ADAMTS16: variants seen among roughly 807,000 people sequenced by gnomAD.
ADAMTS16 encodes the protein A disintegrin and metalloproteinase with thrombospondin motifs 16.
Under a neutral mutation model 145.8 loss-of-function variants are expected in ADAMTS16, and 94 were observed. The observed-to-expected ratio is 0.64, with a 90% CI of 0.55 to 0.77. ADAMTS16 has a LOEUF of 0.77. Among genes scored for constraint, ADAMTS16 ranks in the 30% least tolerant of loss-of-function variants. The probability of loss-of-function intolerance (pLI) is 0.00; values close to 1 mark genes in which losing one functional copy is unlikely to be tolerated. For synonymous variants in ADAMTS16, 659 were observed against 604.3 expected, an observed-to-expected ratio of 1.09 and a Z score of -1.33; for missense variants, 1,585 against 1,591.5, an observed-to-expected ratio of 1.00 and a Z score of 0.07.
chr5:5,172,513 A>G (rs1020998744), intron 3 of ADAMTS16, among the ~76,000 whole-genome samples: 1 of 152,048 alleles, frequency 6.6e-6, no homozygotes, highest in Admixed American at 6.5e-5. Context: ...GTCATTCAGG[A>G]GCATATTATT....
chr5:5,257,426 A>G (rs1737824482), intron 17 of ADAMTS16, among the ~76,000 whole-genome samples: 1 of 152,184 alleles, frequency 6.6e-6, no homozygotes. Flanking sequence ...ATGACACACA[A>G]ATGTTAACAG....
chr5:5,319,650 C>T lies in ADAMTS16; in HGVS notation c.*512C>T. Reference sequence around the variant, plus strand: ...TGGAGGTCAGGGGAGCTCCAGGAGGCTGCCCAGGCTCCTCCTCCTCCTCCC... The same window carrying T: ...TGGAGGTCAGGGGAGCTCCAGGAGGTTGCCCAGGCTCCTCCTCCTCCTCCC... On this transcript the variant is annotated 3_prime_UTR_variant, in exon 23 of 23. Coordinates refer to ENST00000274181, the MANE Select transcript of ADAMTS16 (RefSeq NM_139056.4). 1 of 347,520 alleles carries T rather than the reference C, an allele frequency of 2.9e-6. No homozygotes were observed. The highest frequency in any genetic ancestry group is 5.6e-6 in the Non-Finnish European group (1 of 180,048). The allele number at this position is 347,520 out of a possible 1,614,324, so 21.5% of individuals were successfully genotyped here.
Position 5,317,804 on chromosome 5 carries a change from G to C in ADAMTS16, c.3412-330G>C, listed in dbSNP as rs1361244448. Among the ~76,000 whole-genome samples the C allele has an allele frequency of 6.6e-6, 1 of 152,156 alleles. No homozygotes were observed. Among genetic ancestry groups the C allele is most frequent in the Non-Finnish European group, 1.5e-5 (1 of 68,026 alleles). ...ACTCTAGCGGTTCAAATCCCAGCCTGAGCAAGTCCTGTCACCGCTCAAGGC... is the reference window on the plus strand; with the variant it reads ...ACTCTAGCGGTTCAAATCCCAGCCTCAGCAAGTCCTGTCACCGCTCAAGGC... On this transcript the variant is annotated intron_variant, in intron 21 of 22. Transcript: ENST00000274181. The surrounding 1 kb of genome is among the most constrained non-coding windows in gnomAD (Gnocchi z 4.5).
At chr5:5,146,523 G>A in intron 3 of ADAMTS16, 68 bp downstream of exon 3, 1 of 1,448,174 alleles carries the variant, frequency 6.9e-7, no homozygotes, top group Non-Finnish European at 9.3e-7. Flanking sequence ...GCGTAACCAG[G>A]ACTTTCCCTC....
intron 8 of ADAMTS16, 74 bp downstream of exon 8, chr5:5,191,864 T>A: frequency 8.9e-7 from 1 of 1,119,154 alleles, no homozygotes; most frequent in Non-Finnish European, 1.3e-6. Flanking sequence ...AAATATTGAC[T>A]CATCAAGTCA....
intron 17 of ADAMTS16, among the ~76,000 whole-genome samples, chr5:5,260,082 G>T (rs1737954268): frequency 6.6e-6 from 1 of 152,202 alleles, no homozygotes. Context: ...TTGCCTTTCT[G>T]TTGCCCCAAG....
intron 3 of ADAMTS16, among the ~76,000 whole-genome samples, chr5:5,180,190 G>A (rs1332847987): frequency 4.6e-5 from 7 of 152,084 alleles, no homozygotes; most frequent in Non-Finnish European, 1.5e-5. Context: ...GATGCCGTGG[G>A]TCAGCAGCTG....
At chr5:5,289,066 C>A (rs1282699639) in intron 18 of ADAMTS16, among the ~76,000 whole-genome samples, 4 of 152,172 alleles carry the variant, frequency 2.6e-5, no homozygotes, top group African/African-American at 7.2e-5. Context: ...AGAGTCCAGG[C>A]CCTGGAGCTG....
intron 4 of ADAMTS16, among the ~76,000 whole-genome samples, chr5:5,183,812 C>G (rs1472068249): frequency 6.6e-6 from 1 of 152,150 alleles, no homozygotes; most frequent in African/African-American, 2.4e-5. Context: ...CCTTGAGAGA[C>G]ACTTCAGAAT....
At chr5:5,318,080 A>G in intron 21 of ADAMTS16, 54 bp from the exon 22 acceptor site, 1 of 1,308,908 alleles carries the variant, frequency 7.6e-7, no homozygotes. Flanking sequence ...ACTGAGGTTG[A>G]CCAGGTGCCT....
chr5:5,261,733 C>G (rs991512386), intron 17 of ADAMTS16, among the ~76,000 whole-genome samples: 2 of 152,204 alleles, frequency 1.3e-5, no homozygotes, highest in African/African-American at 4.8e-5. Flanking sequence ...ATCCACCCGC[C>G]TCGGCCGCCC....
chr5:5,262,598 G>C, intron 17 of ADAMTS16, 59 bp from the exon 18 acceptor site: 2 of 1,568,742 alleles, frequency 1.3e-6, no homozygotes, highest in Non-Finnish European at 1.7e-6. Context: ...CTCATCATCT[G>C]CCTTTTACTG....
At chr5:5,144,982 T>C (rs990341955) in intron 2 of ADAMTS16, among the ~76,000 whole-genome samples, 1 of 152,194 alleles carries the variant, frequency 6.6e-6, no homozygotes, top group African/African-American at 2.4e-5. Flanking sequence ...CATGGAGCTC[T>C]GTCCGTCTCC....
chr5:5,206,279 A>G (rs543027741), intron 9 of ADAMTS16, among the ~76,000 whole-genome samples: 1,874 of 146,482 alleles, frequency 0.013, 49 homozygotes, highest in African/African-American at 0.044. Flanking sequence ...ACAAAAAATT[A>G]GCCGGGCGTA....
intron 21 of ADAMTS16, among the ~76,000 whole-genome samples, chr5:5,308,384 G>A (rs934082624): frequency 6.6e-6 from 1 of 152,158 alleles, no homozygotes; most frequent in African/African-American, 2.4e-5. Flanking sequence ...GTCCGTGCTT[G>A]GCCTCTCACA....
intron 4 of ADAMTS16, 76 bp from the exon 5 acceptor site, chr5:5,185,976 T>C: frequency 7.6e-7 from 1 of 1,317,212 alleles, no homozygotes; most frequent in African/African-American, 1.5e-5. Context: ...GAGACCAAAT[T>C]TCTCTATGAC....
chr5:5,240,941 T>C (rs1164577894), intron 16 of ADAMTS16, among the ~76,000 whole-genome samples: 2 of 152,158 alleles, frequency 1.3e-5, no homozygotes, highest in East Asian at 3.9e-4. Context: ...GAAAGATGCC[T>C]CCGGGTTGAA....
rs767847017 is a variant in ADAMTS16 at position 5,306,757 on chromosome 5, T to A, written c.3411+29T>A. On this transcript the variant is annotated intron_variant, in intron 21 of 22. Coordinates refer to ENST00000274181, the MANE Select transcript of ADAMTS16 (RefSeq NM_139056.4). ...GGGGAGGCCCTCGGTTCCTGGAGAGTGGGCGAGCACAGCTTGGCCTGGGGT... is the reference window on the plus strand; with the variant it reads ...GGGGAGGCCCTCGGTTCCTGGAGAGAGGGCGAGCACAGCTTGGCCTGGGGT... The A allele has an allele frequency of 3.2e-6, 5 of 1,563,506 alleles. No individual in the cohort carries two copies. In the Admixed American group the frequency reaches 9.4e-5, roughly 29 times the overall value.
intron 11 of ADAMTS16, among the ~76,000 whole-genome samples, chr5:5,225,333 G>A (rs141035354): frequency 2.3e-4 from 35 of 152,280 alleles, no homozygotes; most frequent in African/African-American, 8.4e-4. Context: ...CGGGCGCAGT[G>A]GCTCACGACT....
Sources: gnomAD v4.1 joint callset for allele counts (sites outside exome capture counted in the v4.1 genomes callset) on GRCh38, gnomAD v4.1.1 for gene constraint, Gnocchi (gnomAD v3.1) non-coding constraint, MANE v1.5 for transcripts, NCBI Gene and HGNC (gene_info 2026-07-23, HGNC 2026-07-21) for gene names.